The following MUSK variants were observed in gnomAD, a reference collection of about 807,000 sequenced individuals.
MUSK encodes muscle, skeletal receptor tyrosine-protein kinase.
In MUSK, 55 loss-of-function variants were observed where a neutral mutation model predicts 88.7. That is an observed-to-expected ratio of 0.62 (90% CI 0.50 to 0.78). MUSK has a LOEUF of 0.78. MUSK is among the 30% of genes least tolerant of loss of function. The pLI, the probability that MUSK is intolerant of heterozygous loss-of-function variation, is 0.00. For synonymous variants in MUSK, 387 were observed against 391.9 expected (o/e 0.99, Z 0.15); for missense variants, 1,015 against 1,074.3 (o/e 0.94, Z 0.77).
In MUSK at chr9:110,800,648, A is replaced by G; in HGVS notation, c.2270A>G (p.Lys757Arg). Residue 757 changes from lysine to arginine, a missense_variant, in exon 15 of 15, where the codon AAA becomes AGA. Coordinates refer to ENST00000374448, the MANE Select transcript of MUSK (RefSeq NM_005592.4). ...SRNIYSADYYKANENDAIPIR... is the reference protein window; with the variant it reads ...SRNIYSADYYRANENDAIPIR... ...AACATCTACTCAGCAGACTACTACA[A>G]AGCTAATGAAAACGACGCTATCCCT... The G allele has an allele frequency of 1.2e-6, 2 of 1,613,780 alleles. No individual in the cohort carries two copies. The highest frequency in any genetic ancestry group is 1.7e-6 in the Non-Finnish European group (2 of 1,179,848).
At chr9:110,776,853 G>T (rs2131991690) in intron 11 of MUSK, among the ~76,000 whole-genome samples, 198 bp downstream of exon 11, 1 of 152,268 alleles carries the variant, frequency 6.6e-6, no homozygotes, top group South Asian at 2.1e-4. Flanking sequence ...TTAGACCGTA[G>T]AGAGTACCAT....
At chr9:110,782,739 A>C (rs1389848677) in intron 11 of MUSK, among the ~76,000 whole-genome samples, 2 of 152,132 alleles carry the variant, frequency 1.3e-5, no homozygotes, top group Non-Finnish European at 2.9e-5. Context: ...GATCGAGAAA[A>C]CTTGGGATGA....
At chr9:110,688,348 G>A (rs2076224623) in intron 3 of MUSK, among the ~76,000 whole-genome samples, 1 of 151,696 alleles carries the variant, frequency 6.6e-6, no homozygotes, top group Non-Finnish European at 1.5e-5. Flanking sequence ...ATCCAGTGAT[G>A]TTTGTCTTTT....
chr9:110,781,499 A>C (rs1373448794), intron 11 of MUSK, among the ~76,000 whole-genome samples: 1 of 152,116 alleles, frequency 6.6e-6, no homozygotes, highest in Admixed American at 6.5e-5. Flanking sequence ...GATGGTCTCG[A>C]TCTCCTGACC....
intron 5 of MUSK, among the ~76,000 whole-genome samples, chr9:110,720,813 C>A (rs4475573): frequency 0.38 from 57,263 of 151,880 alleles, 11,357 homozygotes; most frequent in Non-Finnish European, 0.44. Context: ...GACCAATACA[C>A]CTGATGAACA....
intron 6 of MUSK, among the ~76,000 whole-genome samples, chr9:110,736,347 A>T (rs975063679): frequency 6.6e-6 from 1 of 152,148 alleles, no homozygotes; most frequent in Non-Finnish European, 1.5e-5. Context: ...TATATTTTTA[A>T]AAGAATGATC....
At chr9:110,669,032 G>T (rs775462791) in intron 1 of MUSK, 49 bp downstream of exon 1, 1 of 1,507,248 alleles carries the variant, frequency 6.6e-7, no homozygotes, top group Non-Finnish European at 9.2e-7. Flanking sequence ...TGGTTGTAAA[G>T]TGTGTGTATA....
In MUSK at chr9:110,719,359, G is replaced by A. The variant is rs180909704; in HGVS notation, c.629-14892G>A. Among the ~76,000 whole-genome samples, 523 of 151,936 alleles carry A rather than the reference G, an allele frequency of 3.4e-3. 1 individual carries two copies. Among genetic ancestry groups the A allele is most frequent in the African/African-American group, 0.012 (496 of 41,448 alleles). ...TTCAAGAGACTCACCTAACACATAA[G>A]GACTAACATAAACTTAAGGTAAAGG... On this transcript the variant is annotated intron_variant, in intron 5 of 14. Coordinates refer to ENST00000374448, the MANE Select transcript of MUSK (RefSeq NM_005592.4).
chr9:110,695,361 G>A, intron 3 of MUSK, 42 bp from the exon 4 acceptor site: 1 of 1,328,342 alleles, frequency 7.5e-7, no homozygotes, highest in Non-Finnish European at 1.0e-6. Flanking sequence ...GTTTAATAAA[G>A]CCATATTGCC....
At chr9:110,730,944 A>C (rs1001241836) in intron 5 of MUSK, among the ~76,000 whole-genome samples, 1 of 152,000 alleles carries the variant, frequency 6.6e-6, no homozygotes, top group Non-Finnish European at 1.5e-5. Context: ...AGAAGCCCTG[A>C]CCTGGTAAAC....
intron 11 of MUSK, among the ~76,000 whole-genome samples, chr9:110,778,975 A>G (rs2077710448): frequency 6.6e-6 from 1 of 152,052 alleles, no homozygotes; most frequent in Non-Finnish European, 1.5e-5. Flanking sequence ...TTAAATGAAT[A>G]CATGCTTTGT....
chr9:110,723,314 T>C (rs1177499993), intron 5 of MUSK, among the ~76,000 whole-genome samples: 1 of 150,982 alleles, frequency 6.6e-6, no homozygotes, highest in Admixed American at 6.6e-5. Flanking sequence ...AATAATGGCA[T>C]TCACAGCAAC....
chr9:110,735,733 C>T (rs1171009611), intron 6 of MUSK, among the ~76,000 whole-genome samples: 2 of 152,042 alleles, frequency 1.3e-5, no homozygotes, highest in African/African-American at 4.8e-5. Context: ...GCAGGCTATT[C>T]AGGAAGCATA....
In MUSK at chr9:110,803,142, G is replaced by A. The variant is rs1004477754; in HGVS notation, c.*2154G>A. On this transcript the variant is annotated 3_prime_UTR_variant, in exon 15 of 15. Transcript: ENST00000374448. The stretch of plus-strand genomic sequence containing the variant: ...TTTGTTGTAAAAGACAGACATAGAA[G>A]TCAGGCTGACAGAAAATAGAGTAAC... 2.6e-5 allele frequency among the ~76,000 whole-genome samples: 4 copies of A among 152,154 alleles called. No individual in the cohort carries two copies. The highest frequency in any genetic ancestry group is 1.9e-4 in the East Asian group (1 of 5,190).
intron 5 of MUSK, among the ~76,000 whole-genome samples, chr9:110,721,591 G>A (rs1479736004): frequency 1.3e-5 from 2 of 152,098 alleles, no homozygotes; most frequent in African/African-American, 4.8e-5. Flanking sequence ...AGAAATCATA[G>A]ATGGCACAAA....
chr9:110,764,412 G>A (rs1392944023), intron 8 of MUSK, among the ~76,000 whole-genome samples: 1 of 152,082 alleles, frequency 6.6e-6, no homozygotes, highest in Non-Finnish European at 1.5e-5. Context: ...TAGATTTAGG[G>A]GTTTGAGGGA....
At chr9:110,703,569 G>T (rs554173657) in intron 5 of MUSK, among the ~76,000 whole-genome samples, 4 of 151,750 alleles carry the variant, frequency 2.6e-5, no homozygotes, top group Non-Finnish European at 5.9e-5. Context: ...AGGAAGACAG[G>T]CGGTTTTGAT....
At chr9:110,715,501 C>A (rs1564240719) in intron 5 of MUSK, among the ~76,000 whole-genome samples, 1 of 148,824 alleles carries the variant, frequency 6.7e-6, no homozygotes, top group Non-Finnish European at 1.5e-5. Context: ...GACTTCCCAA[C>A]CTCTGAGTTT....
chr9:110,687,071 A>T (rs779636395), intron 2 of MUSK, 46 bp from the exon 3 acceptor site: 1 of 1,578,806 alleles, frequency 6.3e-7, no homozygotes, highest in South Asian at 1.2e-5. Context: ...TGGCAAAAAA[A>T]TCACAGAGGA....
Sources: allele counts gnomAD v4.1 joint callset (sites outside exome capture counted in the v4.1 genomes callset), GRCh38; gene constraint gnomAD v4.1.1; transcripts MANE v1.5; gene names NCBI Gene and HGNC (gene_info 2026-07-23, HGNC 2026-07-21).